PKD1: variants seen among roughly 807,000 people sequenced by gnomAD.
PKD1 encodes polycystin-1.
Under a neutral mutation model 361.7 loss-of-function variants are expected in PKD1, and 81 were observed. That is an observed-to-expected ratio of 0.22 (90% CI 0.19 to 0.27). The LOEUF is 0.27. Among genes scored for constraint, PKD1 ranks in the 10% least tolerant of loss-of-function variants. The pLI is 1.00. For synonymous variants in PKD1, 3,615 were observed against 2,818.3 expected, an observed-to-expected ratio of 1.28 and a Z score of -8.95; for missense variants, 6,399 against 6,118.3, an observed-to-expected ratio of 1.05 and a Z score of -1.53.
rs561588479 is a variant in PKD1 at position 2,113,113 on chromosome 16, C to T, written c.2985+48G>A. 87 of 717,320 alleles carry T rather than the reference C, an allele frequency of 1.2e-4. No homozygotes were observed. In the South Asian group the frequency reaches 1.2e-3, roughly 10 times the overall value. The allele number at this position is 717,320 out of a possible 1,614,324, so 44.4% of individuals were successfully genotyped here. A position where few individuals can be genotyped will look rare whatever the true frequency, so the allele number is the denominator to read the frequency against. The stretch of plus-strand genomic sequence containing the variant: ...CAGAGGTGAAGGTGGAGCCCGCCCC[C>T]GCCCTGCCCCGCCCCATCCCCTCCC... On this transcript the variant is annotated intron_variant, in intron 12 of 45. Coordinates refer to ENST00000262304, the MANE Select transcript of PKD1 (RefSeq NM_001009944.3).
chr16:2,107,052 G>A (rs1303442408), intron 16 of PKD1, 104 bp from the exon 17 acceptor site: 4 of 1,116,964 alleles, frequency 3.6e-6, no homozygotes, highest in Non-Finnish European at 5.3e-6. Context: ...GTTTCCCAGG[G>A]GCCTGGCCAC....
chr16:2,103,530 T>C lies in PKD1; in HGVS notation c.8527A>G (p.Thr2843Ala), dbSNP rs765883521. The C allele has an allele frequency of 4.4e-6, 7 of 1,607,512 alleles. No homozygotes were observed. In the East Asian group the frequency reaches 1.1e-4, roughly 26 times the overall value. Residue 2843 changes from threonine to alanine, a missense_variant, in exon 23 of 46, where the codon ACC (threonine) becomes GCC (alanine). Coordinates refer to ENST00000262304, the MANE Select transcript of PKD1 (RefSeq NM_001009944.3). ...ATCGAGGCCACCTTGGTGGAGACGGTGTAGTTGCTGATATAGCCAAAGGGA... is the reference window on the plus strand; with the variant it reads ...ATCGAGGCCACCTTGGTGGAGACGGCGTAGTTGCTGATATAGCCAAAGGGA... ...PFPFGYISNY[T>A]VSTKVASMAF...
intron 1 of PKD1, among the ~76,000 whole-genome samples, chr16:2,130,792 G>A (rs963634749): frequency 1.3e-5 from 2 of 152,242 alleles, no homozygotes; most frequent in African/African-American, 4.8e-5. Flanking sequence ...CTGTCATTCA[G>A]GGATGCAGGT....
rs941519772 is a variant in PKD1 at position 2,098,063 on chromosome 16, G to A, written c.10051-79C>T. 9 of 737,976 alleles carry A rather than the reference G, an allele frequency of 1.2e-5. No individual in the cohort carries two copies. The African/African-American group carries it at 1.5e-4, about 13-fold the overall frequency. The allele number at this position is 737,976 out of a possible 1,614,324, so 45.7% of individuals were successfully genotyped here. A position where few individuals can be genotyped will look rare whatever the true frequency, so the allele number is the denominator to read the frequency against. On this transcript the variant is annotated intron_variant, in intron 30 of 45. Transcript: ENST00000262304. ...GGGATGAGAAGCCACCTCCTCAGCA[G>A]ACAGGACAGAGCCCGGTGCCATCTG...
In PKD1 at chr16:2,118,991, C is replaced by T. The variant is rs1287640257; in HGVS notation, c.359+123G>A. ...CCGGCACTGGGGGGCTCCAAGCAGG[C>T]AGTGAACTGCCCCCAGGATCTGGTC... On this transcript the variant is annotated intron_variant, in intron 3 of 45. Transcript: ENST00000262304. The surrounding 1 kb of genome is among the most constrained non-coding windows in gnomAD (Gnocchi z 6.0). 20 of 896,760 alleles carry T rather than the reference C, an allele frequency of 2.2e-5. No individual in the cohort carries two copies. The highest frequency in any genetic ancestry group is 8.0e-5 in the Admixed American group (4 of 49,816). The allele number at this position is 896,760 out of a possible 1,614,324, so 55.6% of individuals were successfully genotyped here.
Position 2,112,871 on chromosome 16 carries a change from T to C in PKD1, c.3078A>G (p.Thr1026=). The C allele has an allele frequency of 1.2e-6, 2 of 1,606,838 alleles. No homozygotes were observed. The highest frequency in any genetic ancestry group is 1.7e-6 in the Non-Finnish European group (2 of 1,179,698). ...MNRMQGLQVS[T]VPAVLSPNAT... is the part of the protein sequence containing the mutation. The stretch of plus-strand genomic sequence containing the variant: ...CATTGGGGGACAGCACGGCCGGCAC[T>C]GTGGAGACCTGCAGACCCTGCATCC... Residue 1026 remains threonine, a synonymous_variant, in exon 13 of 46, where the codon ACA becomes ACG. Transcript: ENST00000262304.
Position 2,111,666 on chromosome 16 carries a change from G to T in PKD1, c.3501C>A (p.Ser1167=), listed in dbSNP as rs776837307. 1.9e-6 allele frequency: 3 copies of T among 1,575,240 alleles called. No individual in the cohort carries two copies. The highest frequency in any genetic ancestry group is 1.8e-5 in the Admixed American group (1 of 54,326). Residue 1167 remains serine, a synonymous_variant, in exon 15 of 46, where the codon TCC becomes TCA. Transcript: ENST00000262304. ...CCGGCTGGCTCTGGGTCAGGACAGG[G>T]GAGCCGTCCCCGAAGTCCCACGTGT... ...VLYTWDFGDG[S]PVLTQSQPAA...
chr16:2,130,518 G>A (rs1269470074), intron 1 of PKD1, among the ~76,000 whole-genome samples: 3 of 152,334 alleles, frequency 2.0e-5, no homozygotes, highest in African/African-American at 7.2e-5. Flanking sequence ...CGGAGCCCTC[G>A]AGGGTGGCCC....
Position 2,089,649 on chromosome 16 carries a change from C to G in PKD1, c.*78G>C. 2 of 1,512,340 alleles carry G rather than the reference C, an allele frequency of 1.3e-6. No individual in the cohort carries two copies. The highest frequency in any genetic ancestry group is 2.5e-5 in the East Asian group (1 of 40,450). 93.7% of individuals were successfully genotyped at this position (1,512,340 alleles called of 1,614,324 possible). A position where few individuals can be genotyped will look rare whatever the true frequency, so the allele number is the denominator to read the frequency against. On this transcript the variant is annotated 3_prime_UTR_variant, in exon 46 of 46. Transcript: ENST00000262304. ...ACGTGCAGCCATTCTGCCTGGCCCT[C>G]GGCCTTGACAGCGGCAGAAAGTAAT...
chr16:2,089,325 A>T lies in PKD1; in HGVS notation c.*402T>A, dbSNP rs1322515397. The T allele has an allele frequency of 3.3e-6, 1 of 301,302 alleles. No individual in the cohort carries two copies. Among genetic ancestry groups the T allele is most frequent in the Non-Finnish European group, 6.3e-6 (1 of 159,686 alleles). 18.7% of individuals were successfully genotyped at this position (301,302 alleles called of 1,614,324 possible). A position where few individuals can be genotyped will look rare whatever the true frequency, so the allele number is the denominator to read the frequency against. ...GAGACGGTGCAGGGAGTACGGTAGG[A>T]ACTGGAGAGGTAATAACTTAGGGGC... On this transcript the variant is annotated 3_prime_UTR_variant, in exon 46 of 46. Transcript: ENST00000262304.
rs1448499795 is a variant in PKD1, at chr16:2,118,070, C to T, written c.922G>A (p.Gly308Arg). The T allele has an allele frequency of 5.0e-6, 8 of 1,606,346 alleles. No homozygotes were observed. The highest frequency in any genetic ancestry group is 6.8e-6 in the Non-Finnish European group (8 of 1,179,350). The change falls in exon 5 of 46, where the codon GGA (glycine) becomes AGA (arginine). Residue 308 changes from glycine to arginine, a missense_variant. Coordinates refer to ENST00000262304, the MANE Select transcript of PKD1 (RefSeq NM_001009944.3). This position sits in a 1 kb window ranked among gnomAD's most constrained non-coding sequence, Gnocchi z 6.0. ...LPVTATRWDF[G>R]DGSAEVDAAG... Reference sequence around the variant, plus strand: ...GCATCCACCTCGGCGGAGCCGTCTCCGAAGTCCCAGCGTGTGGCAGTGACA... The same window carrying T: ...GCATCCACCTCGGCGGAGCCGTCTCTGAAGTCCCAGCGTGTGGCAGTGACA...
At position 2,088,919 on chromosome 16, in the gene PKD1, G is replaced by A; in HGVS notation, c.*808C>T. 5.2e-6 allele frequency: 2 copies of A among 386,192 alleles called. No homozygotes were observed. Among genetic ancestry groups the A allele is most frequent in the Non-Finnish European group, 4.8e-6 (1 of 209,154 alleles). The allele number at this position is 386,192 out of a possible 1,614,324, so 23.9% of individuals were successfully genotyped here. A position where few individuals can be genotyped will look rare whatever the true frequency, so the allele number is the denominator to read the frequency against. On this transcript the variant is annotated 3_prime_UTR_variant, in exon 46 of 46. Coordinates refer to ENST00000262304, the MANE Select transcript of PKD1 (RefSeq NM_001009944.3). ...CACACAGTCACCTTCCTCCACCCTG[G>A]GAGCCAGCCCCCAGGAGGAGTCTTT...
In PKD1 at chr16:2,106,258, C is replaced by T. The variant is rs771291889; in HGVS notation, c.7536G>A (p.Leu2512=). The T allele has an allele frequency of 4.3e-6, 7 of 1,610,162 alleles. No individual in the cohort carries two copies. The South Asian group carries it at 5.5e-5, about 13-fold the overall frequency. The change falls in exon 19 of 46, where the codon CTG becomes CTA. Residue 2512 remains leucine (L), a synonymous_variant. Coordinates refer to ENST00000262304, the MANE Select transcript of PKD1 (RefSeq NM_001009944.3). This position sits in a 1 kb window ranked among gnomAD's most constrained non-coding sequence, Gnocchi z 6.5. ...EDAGAPLVYA[L]LLRRCRQGHC... ...GGCCCTGGCGACAGCGCCGCAGCAG[C>T]AGGGCGTACACCAGCGGGGCGCCAG...
chr16:2,119,150 T>C lies in PKD1; in HGVS notation c.323A>G (p.Glu108Gly), dbSNP rs747538499. Residue 108 changes from glutamate to glycine, a missense_variant, in exon 3 of 46, where the codon GAA becomes GGA. By Grantham distance (98) the Glu-to-Gly change is moderately conservative. Coordinates refer to ENST00000262304, the MANE Select transcript of PKD1 (RefSeq NM_001009944.3). ...ISNNKISTLE[E>G]GIFANLFNLS... ...ATTAAATAAATTAGCAAATATTCCT[T>C]CTTCTAACGTAGAAATCTTGTTGTT... 6.0e-6 allele frequency: 9 copies of C among 1,490,818 alleles called. 1 individual carries two copies. In the South Asian group the frequency reaches 1.0e-4, roughly 17 times the overall value. 92.3% of individuals were successfully genotyped at this position (1,490,818 alleles called of 1,614,324 possible).
chr16:2,105,225 C>T, intron 21 of PKD1, 97 bp downstream of exon 21: 2 of 1,225,406 alleles, frequency 1.6e-6, no homozygotes, highest in South Asian at 1.3e-5. Context: ...AGGCTGGAGG[C>T]TCAGCTCCTC....
chr16:2,106,328 C>T lies in PKD1; in HGVS notation c.7490-24G>A, dbSNP rs1042595784. 1 of 1,606,314 alleles carries T rather than the reference C, an allele frequency of 6.2e-7. No homozygotes were observed. The highest frequency in any genetic ancestry group is 1.3e-5 in the African/African-American group (1 of 74,742). The stretch of plus-strand genomic sequence containing the variant: ...GCCTGAGGGACGGTCCCCACGGCAT[C>T]ACGGGAGGGCTCCGTGACGTCACAG... On this transcript the variant is annotated intron_variant, in intron 18 of 45. Coordinates refer to ENST00000262304, the MANE Select transcript of PKD1 (RefSeq NM_001009944.3). This position sits in a 1 kb window ranked among gnomAD's most constrained non-coding sequence, Gnocchi z 6.5.
At position 2,113,297 on chromosome 16, in the gene PKD1, G is replaced by A. The variant is rs114846412; in HGVS notation, c.2854-5C>T. 5.9e-3 allele frequency: 9,390 copies of A among 1,594,686 alleles called. 507 individuals carry two copies. In the African/African-American group the frequency reaches 0.11, roughly 18 times the overall value. Reference sequence around the variant, plus strand: ...CTCCACCACGGGGCTGTACCTCTGCGGGGGGAATGGTGTCAGCCTGGGCTC... The same window carrying A: ...CTCCACCACGGGGCTGTACCTCTGCAGGGGGAATGGTGTCAGCCTGGGCTC... On this transcript the variant is annotated splice_region_variant and splice_polypyrimidine_tract_variant and intron_variant, in intron 11 of 45. Coordinates refer to ENST00000262304, the MANE Select transcript of PKD1 (RefSeq NM_001009944.3).
chr16:2,108,876 C>T lies in PKD1; in HGVS notation c.6291G>A (p.Gly2097=). ...CTGTGTCCTGCCCTGGCGACCCATC[C>T]CCAAAGTCCCAGTGGTAGGCCACAC... The part of the protein sequence containing the change: ...PRRVAYHWDF[G]DGSPGQDTDE... The change falls in exon 15 of 46, where the codon GGG becomes GGA. Residue 2097 remains glycine, a synonymous_variant. Transcript: ENST00000262304. The T allele has an allele frequency of 6.3e-7, 1 of 1,578,550 alleles. No homozygotes were observed. Among genetic ancestry groups the T allele is most frequent in the Non-Finnish European group, 8.6e-7 (1 of 1,163,470 alleles).
chr16:2,092,935 G>C lies in PKD1; in HGVS notation c.11156+19C>G, dbSNP rs2091665584. 1 of 1,612,930 alleles carries C rather than the reference G, an allele frequency of 6.2e-7. No individual in the cohort carries two copies. Among genetic ancestry groups the C allele is most frequent in the Non-Finnish European group, 8.5e-7 (1 of 1,179,944 alleles). Reference sequence around the variant, plus strand: ...AAACTAAAGCCCAGAAGACAGACCAGTGCACCGGATGCCCGTACCGCGTGA... The same window carrying C: ...AAACTAAAGCCCAGAAGACAGACCACTGCACCGGATGCCCGTACCGCGTGA... On this transcript the variant is annotated intron_variant, in intron 38 of 45. Coordinates refer to ENST00000262304, the MANE Select transcript of PKD1 (RefSeq NM_001009944.3).
Sources: allele counts gnomAD v4.1 joint callset (sites outside exome capture counted in the v4.1 genomes callset), GRCh38; gene constraint gnomAD v4.1.1; non-coding constraint Gnocchi (gnomAD v3.1); transcripts MANE v1.5; gene names NCBI Gene and HGNC (gene_info 2026-07-23, HGNC 2026-07-21).